Variants in SEC22C observed in about 807,000 individuals in gnomAD.
SEC22C encodes vesicle-trafficking protein SEC22c.
Under a neutral mutation model 34.7 loss-of-function variants are expected in SEC22C, and 29 were observed. The ratio of observed to expected loss-of-function variants is 0.84; its 90% CI spans 0.62 to 1.14. The LOEUF (loss-of-function observed/expected upper bound fraction) is 1.14. Among genes scored for constraint, SEC22C ranks in the 50% most tolerant of loss-of-function variants. SEC22C has a pLI of 0.00. For synonymous variants in SEC22C, 117 were observed against 132.8 expected, an observed-to-expected ratio of 0.88 and a Z score of 0.82; for missense variants, 337 against 369.0, an observed-to-expected ratio of 0.91 and a Z score of 0.71.
chr3:42,600,918 C>A, intron 1 of SEC22C: 1 of 1,022,000 alleles, frequency 9.8e-7, no homozygotes, highest in Non-Finnish European at 1.3e-6. Flanking sequence ...TCAGCCCCGC[C>A]CTCGCCCCTG....
intron 1 of SEC22C, among the ~76,000 whole-genome samples, chr3:42,571,395 CT>C (rs1559524415): frequency 6.6e-6 from 1 of 152,010 alleles, no homozygotes; most frequent in Non-Finnish European, 1.5e-5. Context: ...TTTTAAAAGT[CT>C]TTTTTAAATA....
At position 42,553,365 on chromosome 3, in the gene SEC22C, G is replaced by A. The variant is rs756942750; in HGVS notation, c.795C>T (p.Tyr265=). The A allele has an allele frequency of 6.2e-7, 1 of 1,614,114 alleles. No individual in the cohort carries two copies. The highest frequency in any genetic ancestry group is 8.5e-7 in the Non-Finnish European group (1 of 1,180,014). ...GCCAGAGGTTCCTCAGCCCGTGCAG[G>A]TACATGTTGCCCAGGCAAATAAAGA... ...MLLFICLGNM[Y]LHGLRNLWQI... The change falls in exon 7 of 7, where the codon TAC becomes TAT. Residue 265 remains tyrosine, a synonymous_variant. Coordinates refer to ENST00000264454, the MANE Select transcript of SEC22C (RefSeq NM_032970.4).
chr3:42,578,070 A>C (rs1354978854), intron 1 of SEC22C, among the ~76,000 whole-genome samples: 1 of 152,226 alleles, frequency 6.6e-6, no homozygotes, highest in Non-Finnish European at 1.5e-5. Flanking sequence ...CATTTATCCC[A>C]GAGAAATAAA....
chr3:42,600,974 T>A, exon 1 of SEC22C: 1 of 1,475,018 alleles, frequency 6.8e-7, no homozygotes, highest in Non-Finnish European at 9.1e-7. Context: ...TTTCTCCCCC[T>A]CTCTCCCAGC....
chr3:42,598,924 G>C (rs1238246854), intron 1 of SEC22C, among the ~76,000 whole-genome samples: 1 of 145,932 alleles, frequency 6.9e-6, no homozygotes, highest in Non-Finnish European at 1.5e-5. Context: ...TATATCTATA[G>C]ATCTATAGAT....
At chr3:42,580,600 A>G (rs528611123) in intron 1 of SEC22C, 108 of 152,284 alleles carry the variant, frequency 7.1e-4, no homozygotes, top group African/African-American at 2.5e-3. Flanking sequence ...GACCTTTTAC[A>G]CTGATAATGT....
chr3:42,599,641 G>A (rs948212981), intron 1 of SEC22C, among the ~76,000 whole-genome samples: 12 of 150,230 alleles, frequency 8.0e-5, no homozygotes, highest in African/African-American at 2.5e-4. Context: ...GCAGTGAGCC[G>A]AGATCCCGCC....
chr3:42,597,149 C>A (rs1008693422), intron 1 of SEC22C, among the ~76,000 whole-genome samples: 36 of 152,212 alleles, frequency 2.4e-4, no homozygotes, highest in African/African-American at 8.7e-4. Flanking sequence ...CTACAGACTG[C>A]TCCTCTAATA....
At chr3:42,555,699 G>T (rs1702492655) in intron 6 of SEC22C, among the ~76,000 whole-genome samples, 2 of 152,146 alleles carry the variant, frequency 1.3e-5, no homozygotes, top group Non-Finnish European at 2.9e-5. Context: ...ATAGCCCCTT[G>T]GCCTTGAACA....
Position 42,550,207 on chromosome 3 carries a change from T to A in SEC22C, c.*3041A>T. On this transcript the variant is annotated 3_prime_UTR_variant, in exon 7 of 7. Coordinates refer to ENST00000264454, the MANE Select transcript of SEC22C (RefSeq NM_032970.4). ...CTCTGATGCTCAAGGCCTTGCAGCA[T>A]CTGATACCAGAAGGCACCTCTAAAG... 3.0e-6 allele frequency: 3 copies of A among 985,496 alleles called. No homozygotes were observed. The South Asian group carries it at 1.4e-4, about 46-fold the overall frequency. The allele number at this position is 985,496 out of a possible 1,614,324, so 61.0% of individuals were successfully genotyped here. A position where few individuals can be genotyped will look rare whatever the true frequency, so the allele number is the denominator to read the frequency against.
chr3:42,591,688 G>A, intron 1 of SEC22C: 1 of 947,544 alleles, frequency 1.1e-6, no homozygotes, highest in Non-Finnish European at 1.7e-6. Flanking sequence ...AGAGTCTTGG[G>A]TGATTGATCG....
chr3:42,591,250 A>AG lies in SEC22C; in HGVS notation c.-28+9709dup, dbSNP rs2125740143. ...AGTCCCGCTCTGTCGCCCAGGCTGGAGTGCAGTGGTGCATCTTGGCTCACT... is the reference window on the plus strand; with the variant it reads ...AGTCCCGCTCTGTCGCCCAGGCTGGAGGTGCAGTGGTGCATCTTGGCTCACT... On this transcript the variant is annotated intron_variant, in intron 1 of 6. Coordinates refer to the SEC22C transcript ENST00000417572. The AG allele has an allele frequency of 1.8e-5, 10 of 546,530 alleles. 1 individual carries two copies. Among genetic ancestry groups the AG allele is most frequent in the Non-Finnish European group, 3.2e-5 (10 of 313,434 alleles). 33.9% of individuals were successfully genotyped at this position (546,530 alleles called of 1,614,324 possible).
At position 42,563,653 on chromosome 3, in the gene SEC22C, A is replaced by G; in HGVS notation, c.216T>C (p.Ala72=). 1.2e-6 allele frequency: 2 copies of G among 1,614,186 alleles called. No individual in the cohort carries two copies. Among genetic ancestry groups the G allele is most frequent in the Middle Eastern group, 1.6e-4 (1 of 6,062 alleles). ...FSSFGDVACM[A]ICSCQCPAAM... ...CTGCTGGACACTGGCAGGAGCAGAT[A>G]GCCATGCAGGCCACGTCCCCGAAAG... The change falls in exon 3 of 7, where the codon GCT becomes GCC. Residue 72 remains alanine (A), a synonymous_variant. Coordinates refer to ENST00000264454, the MANE Select transcript of SEC22C (RefSeq NM_032970.4).
intron 1 of SEC22C, among the ~76,000 whole-genome samples, chr3:42,573,713 A>C (rs984485856): frequency 2.0e-5 from 3 of 152,180 alleles, no homozygotes; most frequent in African/African-American, 7.2e-5. Context: ...TAAAAAATGC[A>C]ATGGATGGAC....
At chr3:42,599,740 A>T (rs2125746027) in intron 1 of SEC22C, among the ~76,000 whole-genome samples, 1 of 152,302 alleles carries the variant, frequency 6.6e-6, no homozygotes, top group Middle Eastern at 3.4e-3. Flanking sequence ...GAACGACTGT[A>T]TATCCCAATA....
intron 1 of SEC22C, among the ~76,000 whole-genome samples, chr3:42,596,339 A>G (rs1705029813): frequency 6.6e-6 from 1 of 152,180 alleles, no homozygotes; most frequent in South Asian, 2.1e-4. Flanking sequence ...TCTGTTTTCT[A>G]GAAAATTATT....
At chr3:42,579,997 A>C (rs1478661636) in intron 1 of SEC22C, among the ~76,000 whole-genome samples, 1 of 152,252 alleles carries the variant, frequency 6.6e-6, no homozygotes, top group Non-Finnish European at 1.5e-5. Context: ...GTAGTAATCA[A>C]ATACACAGCA....
At chr3:42,561,970 AG>A (rs1301866247) in intron 3 of SEC22C, among the ~76,000 whole-genome samples, 1 of 149,342 alleles carries the variant, frequency 6.7e-6, no homozygotes, top group Non-Finnish European at 1.5e-5. Context: ...AAATGGAGAC[AG>A]TTATTCCTGA....
chr3:42,575,968 A>G (rs987183911), intron 1 of SEC22C, among the ~76,000 whole-genome samples: 7 of 152,222 alleles, frequency 4.6e-5, no homozygotes, highest in Non-Finnish European at 7.3e-5. Context: ...ATCCTGGACT[A>G]TAAGACAAAA....
Sources: gnomAD v4.1 joint callset for allele counts (sites outside exome capture counted in the v4.1 genomes callset) on GRCh38, gnomAD v4.1.1 for gene constraint, MANE v1.5 for transcripts, NCBI Gene and HGNC (gene_info 2026-07-23, HGNC 2026-07-21) for gene names.